Variants in ROBO1 observed in about 807,000 individuals in gnomAD.
ROBO1 encodes roundabout guidance receptor 1.
A neutral mutation model predicts 195.9 loss-of-function variants in ROBO1; 149 were observed. That is an observed-to-expected ratio of 0.76 (90% CI 0.67 to 0.87). ROBO1 has a LOEUF of 0.87. ROBO1 is among the 40% of genes least tolerant of loss of function. The probability of loss-of-function intolerance (pLI) is 0.00; values close to 1 mark genes in which losing one functional copy is unlikely to be tolerated. For missense variants in ROBO1, 1,933 were observed against 2,068.3 expected (o/e 0.93, Z 1.27); for synonymous variants, 816 against 733.2 (o/e 1.11, Z -1.82).
At chr3:79,651,366 G>C (rs1017390974) in intron 1 of ROBO1, among the ~76,000 whole-genome samples, 1 of 152,042 alleles carries the variant, frequency 6.6e-6, no homozygotes, top group Admixed American at 6.6e-5. Flanking sequence ...ATTTTTCTGT[G>C]TATTTTTTAG....
At chr3:78,835,764 A>C (rs762707199) in intron 4 of ROBO1, among the ~76,000 whole-genome samples, 28 of 152,182 alleles carry the variant, frequency 1.8e-4, no homozygotes, top group African/African-American at 5.1e-4. Context: ...AAGACCGCCA[A>C]ATTGAACATT....
At chr3:79,231,128 C>T (rs568690330) in intron 2 of ROBO1, among the ~76,000 whole-genome samples, 1 of 152,080 alleles carries the variant, frequency 6.6e-6, no homozygotes, top group East Asian at 1.9e-4. Context: ...TGGAAGACAA[C>T]CTAGGTAATA....
intron 29 of ROBO1, among the ~76,000 whole-genome samples, chr3:78,606,422 T>G (rs1703460455): frequency 6.6e-6 from 1 of 152,200 alleles, no homozygotes; most frequent in African/African-American, 2.4e-5. Flanking sequence ...TCACCAAACA[T>G]TCATTTTCAC....
intron 3 of ROBO1, among the ~76,000 whole-genome samples, chr3:79,012,506 A>G (rs2077807042): frequency 6.6e-6 from 1 of 152,224 alleles, no homozygotes; most frequent in Non-Finnish European, 1.5e-5. Context: ...CAAAATAAAC[A>G]GAATATTATT....
intron 5 of ROBO1, among the ~76,000 whole-genome samples, chr3:78,726,031 C>T (rs1451175752): frequency 6.6e-6 from 1 of 151,918 alleles, no homozygotes; most frequent in Non-Finnish European, 1.5e-5. Flanking sequence ...AGTTTGGCTA[C>T]ACAAATTCTT....
chr3:78,938,603 G>T lies in ROBO1; in HGVS notation c.497C>A (p.Ala166Asp). The T allele has an allele frequency of 1.2e-6, 2 of 1,604,180 alleles. No homozygotes were observed. The highest frequency in any genetic ancestry group is 1.1e-5 in the South Asian group (1 of 90,428). Residue 166 changes from alanine (A) to aspartate (D), a missense_variant and splice_region_variant, in exon 4 of 31, where the codon GCC (alanine) becomes GAC (aspartate). Coordinates refer to ENST00000464233, the MANE Select transcript of ROBO1 (RefSeq NM_002941.4). ...CACAGAGCGCCCAGTTTACTTACTG[G>T]CTACTTCCAGCGATGCATTGTGGCT... ...AVSHNASLEVAILRDDFRQNP... is the reference protein window; with the variant it reads ...AVSHNASLEVDILRDDFRQNP...
At chr3:79,312,686 T>G (rs2033543269) in intron 2 of ROBO1, among the ~76,000 whole-genome samples, 1 of 152,196 alleles carries the variant, frequency 6.6e-6, no homozygotes, top group Non-Finnish European at 1.5e-5. Flanking sequence ...AGATTCATGT[T>G]GATTCACTGA....
chr3:78,696,665 CACATATAT>C, intron 8 of ROBO1, among the ~76,000 whole-genome samples: 1 of 146,066 alleles, frequency 6.8e-6, no homozygotes, highest in African/African-American at 2.5e-5. Context: ...CATATATATA[CACATATAT>C]ATACATGTAT....
chr3:79,586,507 T>C (rs1177927246), intron 2 of ROBO1, among the ~76,000 whole-genome samples: 1 of 151,922 alleles, frequency 6.6e-6, no homozygotes, highest in Non-Finnish European at 1.5e-5. Context: ...GCTGCACATT[T>C]AGAGTATGGA....
chr3:78,955,013 T>C (rs1576462968), intron 3 of ROBO1, among the ~76,000 whole-genome samples: 2 of 151,316 alleles, frequency 1.3e-5, no homozygotes, highest in African/African-American at 4.8e-5. Flanking sequence ...ATAGGTAAAC[T>C]GTGTGTCATG....
chr3:78,656,545 G>T (rs747018838), intron 18 of ROBO1, among the ~76,000 whole-genome samples: 29 of 151,806 alleles, frequency 1.9e-4, no homozygotes, highest in Non-Finnish European at 3.5e-4. Context: ...TAGAGACGGG[G>T]TTTCACCATG....
chr3:79,054,125 T>A (rs570670181), intron 3 of ROBO1, among the ~76,000 whole-genome samples: 2 of 152,198 alleles, frequency 1.3e-5, no homozygotes, highest in African/African-American at 4.8e-5. Flanking sequence ...CTCAGCTAAA[T>A]CGGACTAATG....
At chr3:79,517,783 G>A (rs1032236334) in intron 2 of ROBO1, among the ~76,000 whole-genome samples, 15 of 152,188 alleles carry the variant, frequency 9.9e-5, no homozygotes, top group African/African-American at 3.4e-4. Flanking sequence ...TAAAGTAATA[G>A]TTGTAGACAT....
chr3:79,437,269 T>A (rs187852991), intron 2 of ROBO1, among the ~76,000 whole-genome samples: 1 of 152,034 alleles, frequency 6.6e-6, no homozygotes, highest in African/African-American at 2.4e-5. Context: ...AATGACCAGA[T>A]AATATTGCCC....
At chr3:78,778,900 G>A (rs2083584402) in intron 4 of ROBO1, among the ~76,000 whole-genome samples, 1 of 152,092 alleles carries the variant, frequency 6.6e-6, no homozygotes, top group South Asian at 2.1e-4. Context: ...CATGGTACTA[G>A]TACCAAAACA....
intron 5 of ROBO1, among the ~76,000 whole-genome samples, chr3:78,744,072 G>C (rs1318737995): frequency 6.6e-6 from 1 of 152,062 alleles, no homozygotes; most frequent in Admixed American, 6.6e-5. Context: ...TATCCAATAA[G>C]CATTTCAAAA....
At chr3:79,412,845 G>C (rs1203780652) in intron 2 of ROBO1, among the ~76,000 whole-genome samples, 1 of 121,742 alleles carries the variant, frequency 8.2e-6, no homozygotes, top group African/African-American at 3.3e-5. Flanking sequence ...CCTGTTTTCT[G>C]GAGAATGATT....
intron 3 of ROBO1, among the ~76,000 whole-genome samples, chr3:79,000,321 AC>A (rs2077470847): frequency 6.6e-6 from 1 of 152,060 alleles, no homozygotes; most frequent in South Asian, 2.1e-4. Context: ...TGGGTAGTAG[AC>A]CTTTGTCAGA....
intron 4 of ROBO1, among the ~76,000 whole-genome samples, chr3:78,847,232 T>A (rs2106817507): frequency 6.6e-6 from 1 of 152,214 alleles, no homozygotes; most frequent in African/African-American, 2.4e-5. Flanking sequence ...GGAATATAAC[T>A]TCTTAAGAAA....
Sources: gnomAD v4.1 joint callset for allele counts (sites outside exome capture counted in the v4.1 genomes callset) on GRCh38, gnomAD v4.1.1 for gene constraint, MANE v1.5 for transcripts, NCBI Gene and HGNC (gene_info 2026-07-23, HGNC 2026-07-21) for gene names.